The following KHDRBS2 variants were observed in gnomAD, a reference collection of about 807,000 sequenced individuals.
KHDRBS2 encodes the protein KH RNA binding domain containing, signal transduction associated 2.
KHDRBS2 carries 26 observed loss-of-function variants against 44.3 expected under a neutral mutation model. The ratio of observed to expected loss-of-function variants is 0.59; its 90% CI spans 0.43 to 0.81. The LOEUF (loss-of-function observed/expected upper bound fraction) is 0.81, where lower values mean the gene tolerates loss of function less well. KHDRBS2 is among the 40% of genes least tolerant of loss of function. The pLI is 0.00. For missense variants in KHDRBS2, 476 were observed against 433.1 expected (o/e 1.10, Z -0.88); for synonymous variants, 194 against 151.1 (o/e 1.28, Z -2.08).
At chr6:61,613,694 G>T in the KHDRBS2 span, among the ~76,000 whole-genome samples, 4 of 152,044 alleles carry the variant, frequency 2.6e-5, no homozygotes, top group Admixed American at 6.6e-5. Context: ...TTGATTCAGG[G>T]TATTAATTCT....
At chr6:61,545,144 G>A in the KHDRBS2 span, among the ~76,000 whole-genome samples, 1 of 151,920 alleles carries the variant, frequency 6.6e-6, no homozygotes. Flanking sequence ...GTTTTGTCTG[G>A]CTTAAGAAGT....
chr6:61,781,302 T>G (rs2127581409), intron 6 of KHDRBS2, among the ~76,000 whole-genome samples: 1 of 152,238 alleles, frequency 6.6e-6, no homozygotes, highest in Non-Finnish European at 1.5e-5. Flanking sequence ...CTGATAAAGT[T>G]AAAACTGGTA....
chr6:62,001,660 T>G (rs1259114040), intron 3 of KHDRBS2, among the ~76,000 whole-genome samples: 1 of 152,128 alleles, frequency 6.6e-6, no homozygotes, highest in Non-Finnish European at 1.5e-5. Context: ...ATTCATAGAC[T>G]CTGCTGGTAT....
At chr6:62,122,716 G>GTCTTATATTAT (rs1554418052) in intron 2 of KHDRBS2, among the ~76,000 whole-genome samples, 2 of 125,708 alleles carry the variant, frequency 1.6e-5, no homozygotes, top group Non-Finnish European at 3.4e-5. Flanking sequence ...GACACCACCT[G>GTCTTATATTAT]AAAGTGGACA....
chr6:62,051,291 A>T (rs1788973193), intron 2 of KHDRBS2, among the ~76,000 whole-genome samples: 1 of 152,112 alleles, frequency 6.6e-6, no homozygotes, highest in African/African-American at 2.4e-5. Flanking sequence ...AAATGAAAGA[A>T]TAAAAACTCA....
chr6:62,125,445 A>G (rs1305284310), intron 2 of KHDRBS2, among the ~76,000 whole-genome samples: 2 of 152,174 alleles, frequency 1.3e-5, no homozygotes, highest in Non-Finnish European at 2.9e-5. Flanking sequence ...TTTCTGGGCA[A>G]GTCTTGATGC....
At chr6:62,074,721 C>T (rs1421054600) in intron 2 of KHDRBS2, among the ~76,000 whole-genome samples, 1 of 151,860 alleles carries the variant, frequency 6.6e-6, no homozygotes, top group Non-Finnish European at 1.5e-5. Flanking sequence ...GTCATGTATT[C>T]AAACATGCTC....
chr6:61,905,018 G>A (rs1345761038), intron 4 of KHDRBS2, among the ~76,000 whole-genome samples: 1 of 152,098 alleles, frequency 6.6e-6, no homozygotes, highest in Non-Finnish European at 1.5e-5. Context: ...TGATTAAATT[G>A]GACTGCTTGT....
intron 6 of KHDRBS2, among the ~76,000 whole-genome samples, chr6:61,863,842 A>G (rs765730314): frequency 1.3e-5 from 2 of 152,178 alleles, no homozygotes; most frequent in Non-Finnish European, 2.9e-5. Context: ...ATCTTTGCTA[A>G]TGTTCAGACT....
chr6:62,166,978 T>G (rs1046064767), intron 2 of KHDRBS2, among the ~76,000 whole-genome samples: 9 of 152,044 alleles, frequency 5.9e-5, no homozygotes, highest in African/African-American at 2.2e-4. Flanking sequence ...AGATGAAAGA[T>G]TTTTTGGCTG....
intron 4 of KHDRBS2, among the ~76,000 whole-genome samples, chr6:61,959,828 T>C (rs540484648): frequency 8.5e-5 from 13 of 152,300 alleles, no homozygotes; most frequent in Admixed American, 2.6e-4. Context: ...AGCTCTACAA[T>C]AAGATATTAA....
intron 7 of KHDRBS2, among the ~76,000 whole-genome samples, chr6:61,719,915 C>T (rs1459928599): frequency 6.6e-6 from 1 of 152,066 alleles, no homozygotes; most frequent in Non-Finnish European, 1.5e-5. Context: ...TCTCCCAGTG[C>T]TATGCCTCCC....
chr6:61,948,654 C>CATTATCATTATT (rs1554286380), intron 4 of KHDRBS2, among the ~76,000 whole-genome samples: 1 of 141,600 alleles, frequency 7.1e-6, no homozygotes, highest in African/African-American at 2.6e-5. Context: ...TATATTCTCA[C>CATTATCATTATT]ATTATTATTA....
At chr6:61,679,315 G>C (rs142046626), downstream of KHDRBS2, among the ~76,000 whole-genome samples, 1 of 151,944 alleles carries the variant, frequency 6.6e-6, no homozygotes, top group East Asian at 2.0e-4. Context: ...TTATTGCCTT[G>C]AGGGTTATAT....
At chr6:61,678,969 G>GA (rs1245911230), downstream of KHDRBS2, 12 of 151,810 alleles carry the variant, frequency 7.9e-5, no homozygotes, top group African/African-American at 2.9e-4. Flanking sequence ...AGAAGGAATA[G>GA]AAAAAGAAAA....
At chr6:62,163,386 G>C (rs1193483683) in intron 2 of KHDRBS2, among the ~76,000 whole-genome samples, 1 of 152,056 alleles carries the variant, frequency 6.6e-6, no homozygotes, top group Non-Finnish European at 1.5e-5. Flanking sequence ...CTCAATATTA[G>C]ATCCAACTGG....
chr6:61,726,409 G>C (rs1773572872), intron 7 of KHDRBS2, among the ~76,000 whole-genome samples: 2 of 152,088 alleles, frequency 1.3e-5, no homozygotes, highest in Admixed American at 6.6e-5. Context: ...CTTAGTACTG[G>C]AAGTTCTGGC....
At chr6:61,958,231 A>T (rs1445387920) in intron 4 of KHDRBS2, among the ~76,000 whole-genome samples, 4 of 151,898 alleles carry the variant, frequency 2.6e-5, no homozygotes, top group Non-Finnish European at 4.4e-5. Context: ...CACAATTTCC[A>T]TTTTCTTAAC....
intron 1 of KHDRBS2, among the ~76,000 whole-genome samples, chr6:62,182,931 A>C (rs1563018588): frequency 6.6e-6 from 1 of 151,892 alleles, no homozygotes; most frequent in Non-Finnish European, 1.5e-5. Context: ...CTATTTGAAT[A>C]TGTGAATCTT....
Sources: gnomAD v4.1 joint callset for allele counts (sites outside exome capture counted in the v4.1 genomes callset) on GRCh38, gnomAD v4.1.1 for gene constraint, MANE v1.5 for transcripts, NCBI Gene and HGNC (gene_info 2026-07-23, HGNC 2026-07-21) for gene names.